The following MYRFL variants were observed in gnomAD, a reference collection of about 807,000 sequenced individuals.
MYRFL encodes the protein myelin regulatory factor-like protein.
A neutral mutation model predicts 109.4 loss-of-function variants in MYRFL; 88 were observed. The ratio of observed to expected loss-of-function variants is 0.80; its 90% CI spans 0.68 to 0.96. The LOEUF is 0.96. Among genes scored for constraint, MYRFL ranks in the 40% least tolerant of loss-of-function variants. MYRFL has a pLI of 0.00. For missense variants in MYRFL, 957 were observed against 954.9 expected (o/e 1.00, Z -0.03); for synonymous variants, 324 against 320.9 (o/e 1.01, Z -0.10).
chr12:69,838,887 A>G (rs1269993882), intron 1 of MYRFL, among the ~76,000 whole-genome samples: 1 of 152,224 alleles, frequency 6.6e-6, no homozygotes, highest in Non-Finnish European at 1.5e-5. Context: ...ACATGATGCA[A>G]TGAACTAGTC....
intron 13 of MYRFL, among the ~76,000 whole-genome samples, chr12:69,918,629 A>G (rs1166414317): frequency 6.6e-6 from 1 of 152,226 alleles, no homozygotes; most frequent in Non-Finnish European, 1.5e-5. Context: ...ACCTGACATT[A>G]TCAGACTTTC....
rs537826965 is a variant in MYRFL, at chr12:69,854,213, C to T, written c.47-1067C>T. Among the ~76,000 whole-genome samples the T allele has an allele frequency of 9.2e-5, 14 of 152,178 alleles. No homozygotes were observed. The South Asian group carries it at 1.2e-3, about 14-fold the overall frequency. On this transcript the variant is annotated intron_variant, in intron 1 of 24. Transcript: ENST00000552032. ...TACAAAAACCAGTCAGGCGTGGCGG[C>T]GCGTGCCTGCAATCTCAGGCACTCG...
intron 11 of MYRFL, among the ~76,000 whole-genome samples, chr12:69,904,608 A>T (rs1457504360): frequency 6.6e-6 from 1 of 152,144 alleles, no homozygotes; most frequent in Non-Finnish European, 1.5e-5. Context: ...AACCAGTTGA[A>T]CTGAATCATC....
At chr12:69,825,706 G>T (rs1291554802) in intron 1 of MYRFL, 143 bp downstream of exon 1, 1 of 607,946 alleles carries the variant, frequency 1.6e-6, no homozygotes, top group Non-Finnish European at 2.9e-6. Context: ...CAAAAGTAGG[G>T]GTTTATTTGC....
intron 5 of MYRFL, among the ~76,000 whole-genome samples, chr12:69,886,291 T>C (rs1239533542): frequency 6.6e-6 from 1 of 152,180 alleles, no homozygotes; most frequent in Non-Finnish European, 1.5e-5. Flanking sequence ...CATTCCCAGA[T>C]GGGCTTTTCC....
In MYRFL at chr12:69,938,532, C is replaced by T. The variant is rs1446820703; in HGVS notation, c.2224+1900C>T. On this transcript the variant is annotated intron_variant, in intron 19 of 24. Coordinates refer to ENST00000552032, the MANE Select transcript of MYRFL (RefSeq NM_182530.3). ...TGGACCATATATACACTAGTGGCCC[C>T]ATAAGATAATAATTGAGCTGAAAAA... is the stretch of plus-strand genomic sequence containing the variant. 2.6e-5 allele frequency among the ~76,000 whole-genome samples: 4 copies of T among 152,090 alleles called. No homozygotes were observed. In the South Asian group the frequency reaches 6.2e-4, roughly 24 times the overall value.
At chr12:69,861,017 G>C (rs868313998) in intron 2 of MYRFL, among the ~76,000 whole-genome samples, 1 of 148,320 alleles carries the variant, frequency 6.7e-6, no homozygotes, top group Non-Finnish European at 1.5e-5. Context: ...TTGTTCTTGC[G>C]ATAGTTTACT....
At chr12:69,839,148 G>A (rs1416660737) in intron 1 of MYRFL, among the ~76,000 whole-genome samples, 2 of 152,124 alleles carry the variant, frequency 1.3e-5, no homozygotes, top group Non-Finnish European at 2.9e-5. Flanking sequence ...CCATCAGCAG[G>A]CACACCCACC....
chr12:69,900,355 C>A (rs956302994), intron 10 of MYRFL, among the ~76,000 whole-genome samples: 11 of 152,142 alleles, frequency 7.2e-5, no homozygotes, highest in Non-Finnish European at 1.5e-4. Context: ...GTTTTGGACT[C>A]AACAGATCTT....
At chr12:69,865,705 T>C (rs963229923) in intron 2 of MYRFL, among the ~76,000 whole-genome samples, 6 of 152,138 alleles carry the variant, frequency 3.9e-5, no homozygotes, top group Non-Finnish European at 7.4e-5. Context: ...ATCTGCCTTA[T>C]ATTTTAGTCT....
At chr12:69,943,201 C>A (rs546075702) in intron 19 of MYRFL, among the ~76,000 whole-genome samples, 1 of 151,714 alleles carries the variant, frequency 6.6e-6, no homozygotes, top group Non-Finnish European at 1.5e-5. Flanking sequence ...TCATATGGAA[C>A]GAAAAAACAG....
At chr12:69,866,155 A>T (rs1450447943) in intron 2 of MYRFL, among the ~76,000 whole-genome samples, 1 of 152,154 alleles carries the variant, frequency 6.6e-6, no homozygotes, top group East Asian at 1.9e-4. Context: ...TGTGAATCTC[A>T]GGGAAATACA....
At chr12:69,844,904 T>C (rs1430687158) in intron 1 of MYRFL, among the ~76,000 whole-genome samples, 1 of 152,150 alleles carries the variant, frequency 6.6e-6, no homozygotes, top group Non-Finnish European at 1.5e-5. Flanking sequence ...GCAACCAGAA[T>C]GACCCTCGAA....
At chr12:69,853,020 T>G (rs570068044) in intron 1 of MYRFL, among the ~76,000 whole-genome samples, 93 of 152,372 alleles carry the variant, frequency 6.1e-4, no homozygotes, top group African/African-American at 2.1e-3. Context: ...TGATTTCTCT[T>G]TCTTTTCCCC....
intron 20 of MYRFL, 163 bp downstream of exon 20, chr12:69,952,338 C>T (rs1436488835): frequency 4.7e-6 from 3 of 637,672 alleles, no homozygotes; most frequent in Non-Finnish European, 8.2e-6. Context: ...ACCCTAACCA[C>T]TAATGAGGCA....
At chr12:69,921,850 C>T (rs1161961430) in intron 13 of MYRFL, among the ~76,000 whole-genome samples, 2 of 152,148 alleles carry the variant, frequency 1.3e-5, no homozygotes, top group Admixed American at 1.3e-4. Flanking sequence ...TGCTTGTATC[C>T]TATGAGGCAG....
intron 15 of MYRFL, among the ~76,000 whole-genome samples, chr12:69,932,040 G>A (rs1368574580): frequency 2.0e-5 from 3 of 152,242 alleles, no homozygotes; most frequent in African/African-American, 7.2e-5. Context: ...AGTGTTTAGT[G>A]GGATTTCATT....
At chr12:69,857,762 A>G (rs1033940929) in intron 2 of MYRFL, among the ~76,000 whole-genome samples, 25 of 151,698 alleles carry the variant, frequency 1.6e-4, no homozygotes, top group Admixed American at 8.5e-4. Flanking sequence ...TTTTTAAAAT[A>G]TATATTTCTT....
intron 13 of MYRFL, among the ~76,000 whole-genome samples, chr12:69,912,400 C>A (rs558141980): frequency 6.6e-6 from 1 of 152,284 alleles, no homozygotes; most frequent in African/African-American, 2.4e-5. Flanking sequence ...ACCATCACCA[C>A]CATCCATCTC....
Sources: gnomAD v4.1 joint callset for allele counts (sites outside exome capture counted in the v4.1 genomes callset) on GRCh38, gnomAD v4.1.1 for gene constraint, MANE v1.5 for transcripts, NCBI Gene and HGNC (gene_info 2026-07-23, HGNC 2026-07-21) for gene names.